The following NCKAP5L variants were observed in gnomAD, a reference collection of about 807,000 sequenced individuals.
The protein encoded by NCKAP5L is nck-associated protein 5-like.
NCKAP5L carries 54 observed loss-of-function variants against 103.2 expected under a neutral mutation model. That is an observed-to-expected ratio of 0.52 (90% confidence interval 0.42 to 0.66). NCKAP5L has a LOEUF of 0.66. NCKAP5L is among the 30% of genes least tolerant of loss of function. The probability of loss-of-function intolerance (pLI) is 0.00; values close to 1 mark genes in which losing one functional copy is unlikely to be tolerated. For missense variants in NCKAP5L, 1,733 were observed against 1,750.6 expected, an observed-to-expected ratio of 0.99 and a Z score of 0.18; for synonymous variants, 762 against 748.6, an observed-to-expected ratio of 1.02 and a Z score of -0.29.
Position 49,796,879 on chromosome 12 carries a change from G to C in NCKAP5L, c.981C>G (p.Asn327Lys), listed in dbSNP as rs533497770. ...LLGALARRQL[N>K]LGQLLEDTES... ...CTGTGTCCTCAAGGAGCTGGCCCAG[G>C]TTCAACTGTCTGCGGGCCAGGGCAC... Residue 327 changes from asparagine to lysine, a missense_variant, in exon 8 of 13, where the codon AAC becomes AAG. Coordinates refer to ENST00000335999, the MANE Select transcript of NCKAP5L (RefSeq NM_001037806.4). The C allele has an allele frequency of 1.9e-6, 3 of 1,612,256 alleles. No homozygotes were observed. Among genetic ancestry groups the C allele is most frequent in the Non-Finnish European group, 2.5e-6 (3 of 1,179,592 alleles).
At position 49,796,175 on chromosome 12, in the gene NCKAP5L, A is replaced by G; in HGVS notation, c.1685T>C (p.Leu562Pro). 1 of 1,609,196 alleles carries G rather than the reference A, an allele frequency of 6.2e-7. No individual in the cohort carries two copies. Among genetic ancestry groups the G allele is most frequent in the Non-Finnish European group, 8.5e-7 (1 of 1,178,004 alleles). Reference protein sequence around the residue: ...VSPCYENILDLSRSTFRGPSP... With the variant: ...VSPCYENILDPSRSTFRGPSP... ...AGGCCCCCTAAAGGTGCTCCGAGAA[A>G]GGTCCAGAATGTTCTCATAGCAGGG... Residue 562 changes from leucine to proline, a missense_variant, in exon 8 of 13, where the codon CTT becomes CCT. Transcript: ENST00000335999.
Position 49,792,022 on chromosome 12 carries a change from C to G in NCKAP5L, c.3822G>C (p.Gln1274His), listed in dbSNP as rs765965163. 2.6e-5 allele frequency: 40 copies of G among 1,564,130 alleles called. No homozygotes were observed. Among genetic ancestry groups the G allele is most frequent in the Non-Finnish European group, 3.5e-5 (40 of 1,156,864 alleles). The change falls in exon 13 of 13, where the codon CAG becomes CAC. Residue 1274 changes from glutamine to histidine, a missense_variant. Physicochemically the swap from Gln to His is conservative, Grantham distance 24 (BLOSUM62 0). Coordinates refer to ENST00000335999, the MANE Select transcript of NCKAP5L (RefSeq NM_001037806.4). The surrounding 1 kb of genome is among the most constrained non-coding windows in gnomAD (Gnocchi z 4.5). ...GCGTAGGGGACGGGCGGCTGGGCTC[C>G]TGGCTTCGCTTCCGGTCCACGGGCA... The part of the protein sequence containing the change: ...MALPVDRKRS[Q>H]EPSRPSPTPQ...
At chr12:49,798,930 T>C (rs985705164) in intron 6 of NCKAP5L, among the ~76,000 whole-genome samples, 1 of 152,134 alleles carries the variant, frequency 6.6e-6, no homozygotes, top group Non-Finnish European at 1.5e-5. Context: ...TATTTCTGTC[T>C]CCCCTACCTG....
intron 6 of NCKAP5L, among the ~76,000 whole-genome samples, chr12:49,799,049 T>G (rs1425599030): frequency 6.6e-6 from 1 of 152,096 alleles, no homozygotes; most frequent in Non-Finnish European, 1.5e-5. Context: ...TAGATATAAG[T>G]CAGCTTTAAC....
rs1592744649 is a variant in NCKAP5L at position 49,792,166 on chromosome 12, G to A, written c.3793-115C>T. ...CCTGATGGGGGGCTGCTCCAGAGGG[G>A]GCCCAAGGTGGGGTATACTTCAGAG... On this transcript the variant is annotated intron_variant, in intron 12 of 12. Transcript: ENST00000335999. This position sits in a 1 kb window ranked among gnomAD's most constrained non-coding sequence, Gnocchi z 4.5. 7 of 1,076,100 alleles carry A rather than the reference G, an allele frequency of 6.5e-6. No homozygotes were observed. The East Asian group carries it at 1.0e-4, about 16-fold the overall frequency. 66.7% of individuals were successfully genotyped at this position (1,076,100 alleles called of 1,614,324 possible).
intron 1 of NCKAP5L, among the ~76,000 whole-genome samples, chr12:49,825,675 G>C (rs1184324791): frequency 3.9e-5 from 6 of 152,150 alleles, no homozygotes; most frequent in African/African-American, 1.4e-4. Flanking sequence ...CGGTAAGGAA[G>C]GCTTCCTTGG....
chr12:49,819,020 G>T (rs2137037498), intron 1 of NCKAP5L, among the ~76,000 whole-genome samples: 1 of 125,168 alleles, frequency 8.0e-6, no homozygotes, highest in Admixed American at 8.8e-5. Context: ...AACACAACAA[G>T]ACCTTGTATT....
chr12:49,820,780 G>T (rs1474359273), intron 1 of NCKAP5L, among the ~76,000 whole-genome samples: 1 of 152,206 alleles, frequency 6.6e-6, no homozygotes, highest in East Asian at 1.9e-4. Context: ...AACAGCTCTG[G>T]TTCACCCACA....
chr12:49,793,655 G>A (rs1332845258), intron 9 of NCKAP5L, 79 bp downstream of exon 9: 3 of 1,452,102 alleles, frequency 2.1e-6, no homozygotes, highest in South Asian at 1.5e-5. Context: ...CTTGGGGAAG[G>A]GGAACCCTCT....
chr12:49,792,275 G>A lies in NCKAP5L; in HGVS notation c.3792+171C>T. The A allele has an allele frequency of 7.5e-7, 1 of 1,334,002 alleles. No individual in the cohort carries two copies. Among genetic ancestry groups the A allele is most frequent in the Non-Finnish European group, 1.0e-6 (1 of 961,392 alleles). The allele number at this position is 1,334,002 out of a possible 1,614,324, so 82.6% of individuals were successfully genotyped here. A position where few individuals can be genotyped will look rare whatever the true frequency, so the allele number is the denominator to read the frequency against. On this transcript the variant is annotated intron_variant, in intron 12 of 12. Coordinates refer to ENST00000335999, the MANE Select transcript of NCKAP5L (RefSeq NM_001037806.4). This position sits in a 1 kb window ranked among gnomAD's most constrained non-coding sequence, Gnocchi z 4.5. ...ACCTTTCCCCACGAGAGAAGTGCAA[G>A]GAGGGCAGTGGGGAGGGCCGCTCAC...
intron 1 of NCKAP5L, among the ~76,000 whole-genome samples, chr12:49,816,087 C>G (rs1258955898): frequency 6.6e-6 from 1 of 152,198 alleles, no homozygotes; most frequent in Non-Finnish European, 1.5e-5. Context: ...CAAGTGCCTC[C>G]TGCAAGATCA....
chr12:49,818,133 G>GA (rs561411067), intron 1 of NCKAP5L, among the ~76,000 whole-genome samples: 5,119 of 133,338 alleles, frequency 0.038, 95 homozygotes, highest in Middle Eastern at 0.067. Flanking sequence ...CTGTGTCTTG[G>GA]AAAAAAAAAA....
Position 49,793,812 on chromosome 12 carries a change from G to A in NCKAP5L, c.3180C>T (p.Pro1060=), listed in dbSNP as rs776082391. ...YGDFQPVSSD[P]KSPWPACGPR... is the part of the protein sequence containing the mutation. ...GCCCACAGGCTGGCCAGGGGCTCTT[G>A]GGGTCAGAAGACACCGGCTGGAAAT... Residue 1060 remains proline (P), a synonymous_variant, in exon 9 of 13, where the codon CCC becomes CCT. Coordinates refer to ENST00000335999, the MANE Select transcript of NCKAP5L (RefSeq NM_001037806.4). The A allele has an allele frequency of 1.2e-6, 2 of 1,600,430 alleles. No individual in the cohort carries two copies. The highest frequency in any genetic ancestry group is 2.3e-5 in the East Asian group (1 of 44,280).
chr12:49,818,014 A>C (rs1946317700), intron 1 of NCKAP5L, among the ~76,000 whole-genome samples: 1 of 152,066 alleles, frequency 6.6e-6, no homozygotes, highest in Admixed American at 6.6e-5. Context: ...CTGTAATTCC[A>C]GCTACTTGGG....
chr12:49,822,660 C>G (rs1946374056), intron 1 of NCKAP5L, among the ~76,000 whole-genome samples: 1 of 151,472 alleles, frequency 6.6e-6, no homozygotes, highest in Admixed American at 6.6e-5. Context: ...GATCCTCCCA[C>G]CTCAGGCTCC....
At chr12:49,803,470 C>T (rs931471732) in intron 3 of NCKAP5L, among the ~76,000 whole-genome samples, 5 of 152,242 alleles carry the variant, frequency 3.3e-5, no homozygotes, top group Non-Finnish European at 5.9e-5. Context: ...ACCCTTATTT[C>T]CCTGGGAGAC....
chr12:49,809,490 T>C (rs1946216724), intron 1 of NCKAP5L, among the ~76,000 whole-genome samples: 1 of 151,634 alleles, frequency 6.6e-6, no homozygotes, highest in South Asian at 2.1e-4. Context: ...TGGGGGAGGG[T>C]GGGCAGCTGT....
At chr12:49,802,053 T>C in intron 5 of NCKAP5L, 86 bp from the exon 6 acceptor site, 8 of 1,537,062 alleles carry the variant, frequency 5.2e-6, no homozygotes, top group Non-Finnish European at 7.1e-6. Flanking sequence ...CAGCGGCATC[T>C]GTCTGGAGGC....
At chr12:49,827,506 A>G (rs891925618) in intron 1 of NCKAP5L, among the ~76,000 whole-genome samples, 2 of 152,238 alleles carry the variant, frequency 1.3e-5, no homozygotes, top group African/African-American at 4.8e-5. Context: ...CCTTGGGCCC[A>G]GGACAGGGAG....
Sources: allele counts gnomAD v4.1 joint callset (sites outside exome capture counted in the v4.1 genomes callset), GRCh38; gene constraint gnomAD v4.1.1; non-coding constraint Gnocchi (gnomAD v3.1); transcripts MANE v1.5; gene names NCBI Gene and HGNC (gene_info 2026-07-23, HGNC 2026-07-21).